Variants in VWC2L observed in about 807,000 individuals in gnomAD.
VWC2L encodes von Willebrand factor C domain-containing protein 2-like.
VWC2L carries 10 observed loss-of-function variants against 21.6 expected under a neutral mutation model. The observed-to-expected ratio is 0.46, with a 90% confidence interval of 0.29 to 0.78. VWC2L has a LOEUF of 0.78. VWC2L is among the 30% of genes least tolerant of loss of function. VWC2L has a pLI of 0.10. For missense variants in VWC2L, 209 were observed against 277.1 expected (o/e 0.75, Z 1.74); for synonymous variants, 96 against 94.3 (o/e 1.02, Z -0.10).
At chr2:214,416,202 A>G (rs985815621) in intron 2 of VWC2L, among the ~76,000 whole-genome samples, 1 of 152,094 alleles carries the variant, frequency 6.6e-6, no homozygotes, top group African/African-American at 2.4e-5. Flanking sequence ...TAAAGAAAAT[A>G]TTGTCTAACT....
In VWC2L at chr2:214,441,487, T is replaced by A. The variant is rs73987330; in HGVS notation, c.520+4729T>A. ...TGTCAATTTTTTATTGATGATAATG[T>A]GGGATTGATGGTGCCTCATATCAGC... On this transcript the variant is annotated intron_variant, in intron 3 of 3. Coordinates refer to ENST00000312504, the MANE Select transcript of VWC2L (RefSeq NM_001080500.4). Among the ~76,000 whole-genome samples the A allele has an allele frequency of 1.4e-3, 212 of 152,228 alleles. 4 individuals carry two copies. The highest frequency in any genetic ancestry group is 4.9e-3 in the African/African-American group (202 of 41,572).
At chr2:214,540,564 T>C (rs996354782) in intron 3 of VWC2L, among the ~76,000 whole-genome samples, 4 of 152,314 alleles carry the variant, frequency 2.6e-5, no homozygotes, top group Admixed American at 6.5e-5. Flanking sequence ...ATAACCAACA[T>C]CTTCTGCACC....
intron 3 of VWC2L, among the ~76,000 whole-genome samples, chr2:214,447,974 C>A (rs1462060316): frequency 1.3e-5 from 2 of 151,964 alleles, no homozygotes; most frequent in Non-Finnish European, 2.9e-5. Context: ...CAGACCCCAC[C>A]AGAAGCCCAG....
At chr2:214,574,958 A>G (rs1690205571) in intron 3 of VWC2L, among the ~76,000 whole-genome samples, 3 of 151,818 alleles carry the variant, frequency 2.0e-5, no homozygotes, top group Non-Finnish European at 4.4e-5. Flanking sequence ...GACATTTTCA[A>G]TAAGGCTTTT....
chr2:214,448,192 G>T (rs1033987098), intron 3 of VWC2L, among the ~76,000 whole-genome samples: 32 of 152,130 alleles, frequency 2.1e-4, no homozygotes, highest in African/African-American at 7.7e-4. Context: ...TGAAAGCAAA[G>T]ATTTCTATCT....
chr2:214,448,071 G>A (rs188487551), intron 3 of VWC2L, among the ~76,000 whole-genome samples: 11 of 152,028 alleles, frequency 7.2e-5, no homozygotes, highest in Non-Finnish European at 1.2e-4. Context: ...CACCACTGAC[G>A]AGTCCATTTT....
chr2:214,457,623 T>A (rs1323992998), intron 3 of VWC2L, among the ~76,000 whole-genome samples: 1 of 152,088 alleles, frequency 6.6e-6, no homozygotes, highest in African/African-American at 2.4e-5. Flanking sequence ...TTTAACTATA[T>A]GTTTGCTATA....
Position 214,578,751 on chromosome 2 carries a change from C to T in VWC2L, c.*2931C>T, listed in dbSNP as rs1212839651. 1 of 151,802 alleles carries T rather than the reference C, an allele frequency of 6.6e-6. No individual in the cohort carries two copies. Among genetic ancestry groups the T allele is most frequent in the Non-Finnish European group, 1.5e-5 (1 of 67,978 alleles). 9.4% of individuals were successfully genotyped at this position (151,802 alleles called of 1,614,324 possible). On this transcript the variant is annotated 3_prime_UTR_variant, in exon 4 of 4. Transcript: ENST00000312504. ...CTTTGGTTCTCGGCTTTAACAACAG[C>T]TATGTTAAAATAAGGGATCAACATC...
intron 2 of VWC2L, among the ~76,000 whole-genome samples, chr2:214,434,492 A>C (rs1319804874): frequency 6.6e-6 from 1 of 152,188 alleles, no homozygotes; most frequent in Non-Finnish European, 1.5e-5. Context: ...ATCAGTACAC[A>C]GAATGGTGAT....
intron 2 of VWC2L, among the ~76,000 whole-genome samples, chr2:214,434,248 T>C (rs761110287): frequency 1.3e-5 from 2 of 152,214 alleles, no homozygotes; most frequent in Non-Finnish European, 2.9e-5. Context: ...TATTGGTCTT[T>C]ACTGGATTAT....
At chr2:214,508,179 T>A (rs1688997075) in intron 3 of VWC2L, among the ~76,000 whole-genome samples, 1 of 152,130 alleles carries the variant, frequency 6.6e-6, no homozygotes, top group South Asian at 2.1e-4. Flanking sequence ...GGTTTTACCG[T>A]GTTAGCCAGG....
intron 3 of VWC2L, among the ~76,000 whole-genome samples, chr2:214,504,986 TATC>T (rs1204331642): frequency 6.6e-6 from 1 of 152,204 alleles, no homozygotes; most frequent in Non-Finnish European, 1.5e-5. Context: ...CACTTAAAGA[TATC>T]ATAATTAGTT....
chr2:214,554,536 G>A (rs576207179), intron 3 of VWC2L, among the ~76,000 whole-genome samples: 1 of 152,240 alleles, frequency 6.6e-6, no homozygotes, highest in East Asian at 1.9e-4. Flanking sequence ...GGTGGTGCAT[G>A]CCTGTAATCC....
intron 3 of VWC2L, among the ~76,000 whole-genome samples, chr2:214,470,942 A>AG (rs1703299034): frequency 6.7e-6 from 1 of 150,092 alleles, no homozygotes; most frequent in African/African-American, 2.5e-5. Flanking sequence ...AAAAAAAAAA[A>AG]AGATAGGTGA....
intron 3 of VWC2L, among the ~76,000 whole-genome samples, chr2:214,466,739 C>T (rs1294014753): frequency 6.6e-6 from 1 of 152,166 alleles, no homozygotes; most frequent in Non-Finnish European, 1.5e-5. Context: ...AGTGTAGTCA[C>T]ACTTTGTAGT....
rs993874400 is a variant in VWC2L, at chr2:214,411,430, GC to G, written c.-435del. On this transcript the variant is annotated 5_prime_UTR_variant, in exon 1 of 4. The change abolishes the stop of an existing upstream ORF in the 5' untranslated region. Coordinates refer to ENST00000312504, the MANE Select transcript of VWC2L (RefSeq NM_001080500.4). ...CTCATGTGTGGAGGAGGCGTAATCA[GC>G]CGGGAAATTTCATAGAAGGATCTAA... is the stretch of plus-strand genomic sequence containing the variant. 6.6e-6 allele frequency: 1 copy of G among 152,196 alleles called. No individual in the cohort carries two copies. The highest frequency in any genetic ancestry group is 1.5e-5 in the Non-Finnish European group (1 of 68,042). 9.4% of individuals were successfully genotyped at this position (152,196 alleles called of 1,614,324 possible).
chr2:214,469,104 T>C (rs1019903549), intron 3 of VWC2L, among the ~76,000 whole-genome samples: 2 of 152,138 alleles, frequency 1.3e-5, no homozygotes, highest in Non-Finnish European at 2.9e-5. Flanking sequence ...AATCAAATAA[T>C]TGTGTCTTAT....
intron 3 of VWC2L, among the ~76,000 whole-genome samples, chr2:214,574,673 A>G (rs1031352525): frequency 2.0e-5 from 3 of 152,134 alleles, no homozygotes; most frequent in Admixed American, 6.5e-5. Context: ...CCAAATGTGT[A>G]CCTCAGAGAC....
Position 214,561,809 on chromosome 2 carries a change from T to TATATATATAC in VWC2L, c.521-13862_521-13861insTATATATACA, listed in dbSNP as rs1489588765. Among the ~76,000 whole-genome samples, 374 of 127,172 alleles carry TATATATATAC rather than the reference T, an allele frequency of 2.9e-3. 12 individuals are homozygous for TATATATATAC. The highest frequency in any genetic ancestry group is 4.0e-3 in the South Asian group (17 of 4,290). The allele number at this position is 127,172 out of a possible 152,430, so 83.4% of individuals were successfully genotyped here. A position where few individuals can be genotyped will look rare whatever the true frequency, so the allele number is the denominator to read the frequency against. On this transcript the variant is annotated intron_variant, in intron 3 of 3. Coordinates refer to ENST00000312504, the MANE Select transcript of VWC2L (RefSeq NM_001080500.4). ...TTATATATATATATATATATATATATACACACACATATATAATTTTATATA... is the reference window on the plus strand; with the variant it reads ...TTATATATATATATATATATATATATATATATATACACACACACATATATAATTTTATATA...
Sources: gnomAD v4.1 joint callset for allele counts (sites outside exome capture counted in the v4.1 genomes callset) on GRCh38, gnomAD v4.1.1 for gene constraint, MANE v1.5 for transcripts, NCBI Gene and HGNC (gene_info 2026-07-23, HGNC 2026-07-21) for gene names.